ATXN2: variants seen among roughly 807,000 people sequenced by gnomAD.
The protein encoded by ATXN2 is ataxin 2, also known as ataxin-2.
A neutral mutation model predicts 138.6 loss-of-function variants in ATXN2; 37 were observed. That is an observed-to-expected ratio of 0.27 (90% CI 0.21 to 0.35). The LOEUF is 0.35. Ranked by LOEUF, ATXN2 falls within the 10% of genes least tolerant of loss-of-function variation. The probability of loss-of-function intolerance (pLI) is 1.00; values close to 1 mark genes in which losing one functional copy is unlikely to be tolerated. For synonymous variants in ATXN2, 549 were observed against 543.7 expected, an observed-to-expected ratio of 1.01 and a Z score of -0.13; for missense variants, 1,216 against 1,480.3, an observed-to-expected ratio of 0.82 and a Z score of 2.93.
intron 1 of ATXN2, among the ~76,000 whole-genome samples, chr12:111,573,350 C>T (rs536906362): frequency 1.7e-4 from 26 of 152,050 alleles, no homozygotes; most frequent in Non-Finnish European, 3.4e-4. Context: ...CTTGTCACCA[C>T]GCCTGGCTAA....
chr12:111,452,957 T>C (rs1377348400), intron 24 of ATXN2, 117 bp from the exon 25 acceptor site: 44 of 1,341,488 alleles, frequency 3.3e-5, no homozygotes, highest in Non-Finnish European at 4.1e-5. Context: ...AAACTCAAAA[T>C]TGAATTCGCT....
intron 5 of ATXN2, among the ~76,000 whole-genome samples, chr12:111,541,029 G>C (rs566920272): frequency 1.3e-5 from 2 of 149,932 alleles, no homozygotes; most frequent in Non-Finnish European, 3.0e-5. Flanking sequence ...CAAAGGTATC[G>C]ATCTTTTACT....
chr12:111,581,656 G>C (rs981984569), intron 1 of ATXN2: 2 of 737,652 alleles, frequency 2.7e-6, no homozygotes, highest in Non-Finnish European at 5.0e-6. Context: ...TTGGCGACCT[G>C]ATCAGGGCCC....
At chr12:111,497,341 C>T (rs1480833608) in intron 14 of ATXN2, among the ~76,000 whole-genome samples, 5 of 152,120 alleles carry the variant, frequency 3.3e-5, no homozygotes, top group African/African-American at 1.2e-4. Context: ...TATTCCAACA[C>T]AATACAGGAA....
chr12:111,553,130 T>C (rs1400905390), intron 3 of ATXN2, among the ~76,000 whole-genome samples, 153 bp from the exon 4 acceptor site: 1 of 152,176 alleles, frequency 6.6e-6, no homozygotes, highest in African/African-American at 2.4e-5. Flanking sequence ...ACATTAACAA[T>C]ACACTGAACT....
intron 18 of ATXN2, among the ~76,000 whole-genome samples, chr12:111,473,282 T>TA (rs530808822): frequency 0.24 from 32,161 of 131,784 alleles, 3,521 homozygotes; most frequent in East Asian, 0.35. Flanking sequence ...TCCAAAAAAT[T>TA]AAAAAAAAAA....
In ATXN2 at chr12:111,598,215, A is replaced by AG. The variant is rs1305751201; in HGVS notation, c.251+568dup. The AG allele has an allele frequency of 9.5e-7, 1 of 1,049,320 alleles. No homozygotes were observed. Among genetic ancestry groups the AG allele is most frequent in the Non-Finnish European group, 1.2e-6 (1 of 866,512 alleles). The allele number at this position is 1,049,320 out of a possible 1,614,324, so 65.0% of individuals were successfully genotyped here. On this transcript the variant is annotated intron_variant, in intron 1 of 24. Transcript: ENST00000673436. This position sits in a 1 kb window ranked among gnomAD's most constrained non-coding sequence, Gnocchi z 4.5. ...TCCTCCGATCTTTCCCAGGACTCGG[A>AG]GGGGGCGGGGAGAGAGCCCCGACAG...
At chr12:111,585,180 T>C (rs1182920680) in intron 1 of ATXN2, among the ~76,000 whole-genome samples, 1 of 152,114 alleles carries the variant, frequency 6.6e-6, no homozygotes, top group Non-Finnish European at 1.5e-5. Flanking sequence ...AAAACAGTAA[T>C]GCCCTTAGGG....
At chr12:111,562,970 T>A (rs1383319953) in intron 1 of ATXN2, among the ~76,000 whole-genome samples, 2 of 152,166 alleles carry the variant, frequency 1.3e-5, no homozygotes, top group Non-Finnish European at 2.9e-5. Context: ...AACCAAGTGA[T>A]CAAAGTTAAC....
At chr12:111,568,417 T>G (rs997710975) in intron 1 of ATXN2, among the ~76,000 whole-genome samples, 5 of 152,212 alleles carry the variant, frequency 3.3e-5, no homozygotes, top group Admixed American at 3.3e-4. Context: ...CTCCTCTATA[T>G]GTCCTTCAGT....
intron 1 of ATXN2, among the ~76,000 whole-genome samples, chr12:111,559,228 G>A (rs763862027): frequency 4.6e-5 from 7 of 151,236 alleles, no homozygotes; most frequent in Non-Finnish European, 1.0e-4. Context: ...CGCCTCCCAG[G>A]TAGCTAGGAC....
chr12:111,549,733 G>A (rs766822723), intron 5 of ATXN2, among the ~76,000 whole-genome samples: 9 of 152,082 alleles, frequency 5.9e-5, no homozygotes, highest in African/African-American at 1.9e-4. Flanking sequence ...CGCACTGGAC[G>A]CAATTGTATA....
intron 5 of ATXN2, among the ~76,000 whole-genome samples, chr12:111,551,507 T>A (rs1183749667): frequency 6.6e-6 from 1 of 152,194 alleles, no homozygotes; most frequent in African/African-American, 2.4e-5. Context: ...CTCTGAATAT[T>A]TTTAAAATAC....
At chr12:111,525,417 G>A (rs1241339952) in intron 5 of ATXN2, 101 bp from the exon 6 acceptor site, 10 of 1,231,654 alleles carry the variant, frequency 8.1e-6, no homozygotes, top group East Asian at 2.7e-5. Context: ...AAACAATTAC[G>A]AAAAATGAAT....
intron 7 of ATXN2, 77 bp downstream of exon 7, chr12:111,520,804 AC>A: frequency 2.6e-6 from 2 of 767,244 alleles, no homozygotes; most frequent in Non-Finnish European, 4.1e-6. Context: ...AAACTAACAA[AC>A]ATTTATTCAT....
At chr12:111,524,977 A>T (rs983905988) in intron 6 of ATXN2, among the ~76,000 whole-genome samples, 2 of 152,244 alleles carry the variant, frequency 1.3e-5, no homozygotes, top group Non-Finnish European at 2.9e-5. Context: ...ATCCACAAGA[A>T]CAGACAGTAC....
At position 111,513,358 on chromosome 12, in the gene ATXN2, C is replaced by T. The variant is rs1288620034; in HGVS notation, c.1557G>A (p.Gly519=). The change falls in exon 11 of 25, where the codon GGG becomes GGA. Residue 519 remains glycine (G), a splice_region_variant and synonymous_variant. Transcript: ENST00000673436. The part of the protein sequence containing the change: ...SGGTWSSVVS[G]VPRLSPKTHR... ...TCATTATGCCCAAGTGTTACCTACC[C>T]CCACTGACCACTGATGACCACGTTC... The T allele has an allele frequency of 6.2e-7, 1 of 1,611,496 alleles. No individual in the cohort carries two copies. The highest frequency in any genetic ancestry group is 1.1e-5 in the South Asian group (1 of 90,620).
Position 111,481,425 on chromosome 12 carries a change from C to T in ATXN2, c.2524+3840G>A, listed in dbSNP as rs954401768. Among the ~76,000 whole-genome samples the T allele has an allele frequency of 6.6e-5, 10 of 152,072 alleles. No homozygotes were observed. The South Asian group carries it at 1.0e-3, about 16-fold the overall frequency. ...GTGCCACTGTGCTCCAGCCTGGGCACGATCTCAAAACAATACAAAAAAACA... is the reference window on the plus strand; with the variant it reads ...GTGCCACTGTGCTCCAGCCTGGGCATGATCTCAAAACAATACAAAAAAACA... On this transcript the variant is annotated intron_variant, in intron 18 of 24. Transcript: ENST00000673436.
At chr12:111,486,141 ATCT>A (rs1289301835) in intron 16 of ATXN2, among the ~76,000 whole-genome samples, 1 of 152,208 alleles carries the variant, frequency 6.6e-6, no homozygotes, top group East Asian at 1.9e-4. Flanking sequence ...AAATAAATAT[ATCT>A]TCTTATGATC....
Sources: gnomAD v4.1 joint callset for allele counts (sites outside exome capture counted in the v4.1 genomes callset) on GRCh38, gnomAD v4.1.1 for gene constraint, Gnocchi (gnomAD v3.1) non-coding constraint, MANE v1.5 for transcripts, NCBI Gene and HGNC (gene_info 2026-07-23, HGNC 2026-07-21) for gene names.